The following MAP1LC3B2 variants were observed in gnomAD, a reference collection of about 807,000 sequenced individuals.
MAP1LC3B2 encodes the protein microtubule-associated protein 1 light chain 3 beta 2.
For synonymous variants in MAP1LC3B2, 62 were observed against 57.8 expected (o/e 1.07, Z -0.33); for missense variants, 155 against 154.6 (o/e 1.00, Z -0.01).
chr12:116,561,998 G>C (rs894041555), intron 1 of MAP1LC3B2, among the ~76,000 whole-genome samples: 1 of 149,758 alleles, frequency 6.7e-6, no homozygotes, highest in Non-Finnish European at 1.5e-5. Flanking sequence ...CATTCCAGGA[G>C]AGGGTATATC....
chr12:116,568,868 CTTTT>C (rs35884310), intron 1 of MAP1LC3B2, among the ~76,000 whole-genome samples: 1 of 139,738 alleles, frequency 7.2e-6, no homozygotes. Flanking sequence ...TCTTTTCTTT[CTTTT>C]TTTTTTTTTT....
At chr12:116,560,467 G>A (rs548480328) in intron 1 of MAP1LC3B2, among the ~76,000 whole-genome samples, 31 of 151,814 alleles carry the variant, frequency 2.0e-4, no homozygotes, top group Non-Finnish European at 1.0e-4. Flanking sequence ...GGCTGGTCTC[G>A]AACTCCTGAC....
intron 1 of MAP1LC3B2, among the ~76,000 whole-genome samples, chr12:116,566,730 G>A (rs1258117896): frequency 6.7e-6 from 1 of 149,732 alleles, no homozygotes; most frequent in Non-Finnish European, 1.5e-5. Flanking sequence ...TCAGGAGTTC[G>A]AGACCAGCCT....
intron 1 of MAP1LC3B2, among the ~76,000 whole-genome samples, chr12:116,566,208 C>G (rs991795369): frequency 6.6e-6 from 1 of 152,160 alleles, no homozygotes; most frequent in African/African-American, 2.4e-5. Flanking sequence ...AACCTGTGTC[C>G]TGGGAACAAA....
chr12:116,565,003 T>G (rs899192615), intron 1 of MAP1LC3B2, among the ~76,000 whole-genome samples: 17 of 152,162 alleles, frequency 1.1e-4, no homozygotes, highest in Non-Finnish European at 2.1e-4. Context: ...TTTCCAGTTG[T>G]GTACAGCTGG....
chr12:116,563,706 T>A (rs555100934), intron 1 of MAP1LC3B2, among the ~76,000 whole-genome samples: 2 of 152,312 alleles, frequency 1.3e-5, no homozygotes, highest in South Asian at 4.1e-4. Context: ...TTTATTTTCA[T>A]CCTCTCCTCC....
At chr12:116,560,124 G>A (rs1462348637) in intron 1 of MAP1LC3B2, 6 of 146,484 alleles carry the variant, frequency 4.1e-5, no homozygotes. Context: ...CAAGCTGGTG[G>A]CGCTCTCCTG....
At chr12:116,564,422 C>T (rs1458478214) in intron 1 of MAP1LC3B2, among the ~76,000 whole-genome samples, 1 of 151,254 alleles carries the variant, frequency 6.6e-6, no homozygotes, top group Admixed American at 6.6e-5. Flanking sequence ...TTTTTTTAAG[C>T]TTTATTGCAG....
intron 1 of MAP1LC3B2, among the ~76,000 whole-genome samples, chr12:116,561,521 C>G (rs1431891162): frequency 6.6e-6 from 1 of 152,198 alleles, no homozygotes; most frequent in African/African-American, 2.4e-5. Flanking sequence ...CACCGAGTTT[C>G]CCTTTCCCCA....
intron 1 of MAP1LC3B2, among the ~76,000 whole-genome samples, chr12:116,570,727 A>G (rs551677416): frequency 2.0e-4 from 30 of 152,124 alleles, no homozygotes; most frequent in Non-Finnish European, 3.7e-4. Flanking sequence ...TTCTTTATAA[A>G]TTACCCAGTC....
At chr12:116,567,713 A>G (rs1869426252) in intron 1 of MAP1LC3B2, among the ~76,000 whole-genome samples, 1 of 151,844 alleles carries the variant, frequency 6.6e-6, no homozygotes, top group Admixed American at 6.6e-5. Flanking sequence ...GTGTCACTGC[A>G]CTCCAGCCTG....
chr12:116,560,218 A>ATATATATATATATGTATGTATATG (rs1566022579), intron 1 of MAP1LC3B2: 18 of 71,130 alleles, frequency 2.5e-4, no homozygotes, highest in South Asian at 5.5e-4. Flanking sequence ...ATATATATAT[A>ATATATATATATATGTATGTATATG]TATATATATA....
At chr12:116,562,738 T>C (rs751358964) in intron 1 of MAP1LC3B2, among the ~76,000 whole-genome samples, 8 of 152,256 alleles carry the variant, frequency 5.3e-5, no homozygotes, top group Non-Finnish European at 1.2e-4. Flanking sequence ...GCTTCAGAGA[T>C]GAGCTGGTAT....
chr12:116,563,157 C>T (rs1869312207), intron 1 of MAP1LC3B2, among the ~76,000 whole-genome samples: 1 of 152,050 alleles, frequency 6.6e-6, no homozygotes. Flanking sequence ...CGGGGTTTCT[C>T]CATGTCGGTC....
chr12:116,560,095 C>T (rs951058426), intron 1 of MAP1LC3B2: 2 of 149,452 alleles, frequency 1.3e-5, no homozygotes, highest in East Asian at 3.9e-4. Flanking sequence ...CAAAAACCAC[C>T]GCAGCTCACT....
chr12:116,568,070 T>C (rs1477408642), intron 1 of MAP1LC3B2, among the ~76,000 whole-genome samples: 2 of 152,234 alleles, frequency 1.3e-5, no homozygotes, highest in African/African-American at 4.8e-5. Flanking sequence ...CAGTCAGGCC[T>C]AACCTATGTT....
chr12:116,572,764 A>T (rs1201318916), intron 1 of MAP1LC3B2, among the ~76,000 whole-genome samples: 2 of 152,252 alleles, frequency 1.3e-5, no homozygotes, highest in African/African-American at 4.8e-5. Flanking sequence ...ACACACTGGA[A>T]ATCGGTGATT....
At chr12:116,566,845 T>C (rs2136960731) in intron 1 of MAP1LC3B2, among the ~76,000 whole-genome samples, 1 of 138,334 alleles carries the variant, frequency 7.2e-6, no homozygotes, top group South Asian at 2.3e-4. Context: ...GCAGGAAAAT[T>C]GCTTGAATCC....
chr12:116,561,326 A>AGAGAGGAAGTCC (rs1337447739), intron 1 of MAP1LC3B2, among the ~76,000 whole-genome samples: 2 of 152,242 alleles, frequency 1.3e-5, no homozygotes, highest in Admixed American at 1.3e-4. Context: ...TTAGACACAC[A>AGAGAGGAAGTCC]GAGAGGAAGT....
Sources: gnomAD v4.1 joint callset for allele counts (sites outside exome capture counted in the v4.1 genomes callset) on GRCh38, gnomAD v4.1.1 for gene constraint, MANE v1.5 for transcripts, NCBI Gene and HGNC (gene_info 2026-07-23, HGNC 2026-07-21) for gene names.